Variants in KCNK12 observed in about 807,000 individuals in gnomAD.
The protein encoded by KCNK12 is potassium two pore domain channel subfamily K member 12, also known as potassium channel subfamily K member 12.
In KCNK12, 6 loss-of-function variants were observed where a neutral mutation model predicts 25.3. The ratio of observed to expected loss-of-function variants is 0.24; its 90% CI spans 0.13 to 0.47. The LOEUF is 0.47. KCNK12 is among the 20% of genes least tolerant of loss of function. The pLI is 0.99. For missense variants in KCNK12, 444 were observed against 661.7 expected, an observed-to-expected ratio of 0.67 and a Z score of 3.61; for synonymous variants, 331 against 311.1, an observed-to-expected ratio of 1.06 and a Z score of -0.67.
In KCNK12 at chr2:47,570,403, G is replaced by A. The variant is rs1669868735; in HGVS notation, c.-72C>T. 1 of 1,204,986 alleles carries A rather than the reference G, an allele frequency of 8.3e-7. No individual in the cohort carries two copies. Among genetic ancestry groups the A allele is most frequent in the Non-Finnish European group, 1.0e-6 (1 of 971,658 alleles). 74.6% of individuals were successfully genotyped at this position (1,204,986 alleles called of 1,614,324 possible). A position where few individuals can be genotyped will look rare whatever the true frequency, so the allele number is the denominator to read the frequency against. ...CCACGACATCCCCCCGGCGGGAGCA[G>A]GAGCGTGAGGATGGTGGCCAGGGGT... is the stretch of plus-strand genomic sequence containing the variant. On this transcript the variant is annotated 5_prime_UTR_variant, in exon 1 of 2. Coordinates refer to ENST00000327876, the MANE Select transcript of KCNK12 (RefSeq NM_022055.2).
intron 1 of KCNK12, chr2:47,561,968 G>C (rs1219520533): frequency 7.5e-6 from 3 of 397,908 alleles, no homozygotes; most frequent in East Asian, 3.6e-5. Context: ...CCTTCTTTTA[G>C]TAAGGGAGAA....
chr2:47,561,711 A>G (rs926153624), intron 1 of KCNK12, among the ~76,000 whole-genome samples: 1 of 152,204 alleles, frequency 6.6e-6, no homozygotes, highest in South Asian at 2.1e-4. Flanking sequence ...CCATGGGGTA[A>G]GAACCATCAT....
chr2:47,520,758 T>C lies in KCNK12; in HGVS notation c.*149A>G. 1 of 510,426 alleles carries C rather than the reference T, an allele frequency of 2.0e-6. No homozygotes were observed. The highest frequency in any genetic ancestry group is 3.0e-6 in the Non-Finnish European group (1 of 329,344). 31.6% of individuals were successfully genotyped at this position (510,426 alleles called of 1,614,324 possible). Reference sequence around the variant, plus strand: ...AACCTGCCCTTGATAACATCAGGCCTGGCCAAATAGTATTTCTTTAAAAAA... The same window carrying C: ...AACCTGCCCTTGATAACATCAGGCCCGGCCAAATAGTATTTCTTTAAAAAA... On this transcript the variant is annotated 3_prime_UTR_variant, in exon 2 of 2. Transcript: ENST00000327876. The surrounding 1 kb of genome is among the most constrained non-coding windows in gnomAD (Gnocchi z 5.0).
Position 47,530,341 on chromosome 2 carries a change from A to G in KCNK12, c.392-8533T>C, listed in dbSNP as rs189567217. Among the ~76,000 whole-genome samples the G allele has an allele frequency of 1.3e-3, 194 of 152,288 alleles. 2 individuals are homozygous for G. The highest frequency in any genetic ancestry group is 4.5e-3 in the African/African-American group (186 of 41,548). ...TGGACACTTGAGAGGGCACTGGGCC[A>G]AAGACTTCCCTGGGACATGTGCCCC... is the stretch of plus-strand genomic sequence containing the variant. On this transcript the variant is annotated intron_variant, in intron 1 of 1. Coordinates refer to ENST00000327876, the MANE Select transcript of KCNK12 (RefSeq NM_022055.2).
At position 47,519,936 on chromosome 2, in the gene KCNK12, A is replaced by C. The variant is rs926646192; in HGVS notation, c.*971T>G. 1.1e-4 allele frequency: 17 copies of C among 152,194 alleles called. No individual in the cohort carries two copies. Among genetic ancestry groups the C allele is most frequent in the Non-Finnish European group, 4.4e-5 (3 of 68,040 alleles). The allele number at this position is 152,194 out of a possible 1,614,324, so 9.4% of individuals were successfully genotyped here. On this transcript the variant is annotated 3_prime_UTR_variant, in exon 2 of 2. Coordinates refer to ENST00000327876, the MANE Select transcript of KCNK12 (RefSeq NM_022055.2). ...AGAAGCTGGAGGGCTGCGCCCGGCA[A>C]CCCCATGATCTCTTAAAGGGGGAAA...
intron 1 of KCNK12, among the ~76,000 whole-genome samples, chr2:47,541,714 C>G (rs1669204121): frequency 6.6e-6 from 1 of 152,148 alleles, no homozygotes; most frequent in Non-Finnish European, 1.5e-5. Context: ...TATTAAGATA[C>G]AGACATACAC....
chr2:47,550,164 G>T (rs981197608), intron 1 of KCNK12, among the ~76,000 whole-genome samples: 2 of 152,058 alleles, frequency 1.3e-5, no homozygotes, highest in Non-Finnish European at 2.9e-5. Context: ...AGAGGATAGG[G>T]TAGCAAAAAT....
rs532462723 is a variant in KCNK12, at chr2:47,538,381, C to T, written c.392-16573G>A. 2.0e-5 allele frequency among the ~76,000 whole-genome samples: 3 copies of T among 152,178 alleles called. No individual in the cohort carries two copies. Among genetic ancestry groups the T allele is most frequent in the African/African-American group, 4.8e-5 (2 of 41,516 alleles). ...GGTCCAGGGAGGCCTCGTTAAGGAA[C>T]GGATGTTTGATAAAGGACTAGGGTA... On this transcript the variant is annotated intron_variant, in intron 1 of 1. Coordinates refer to ENST00000327876, the MANE Select transcript of KCNK12 (RefSeq NM_022055.2). This position sits in a 1 kb window ranked among gnomAD's most constrained non-coding sequence, Gnocchi z 4.5.
intron 1 of KCNK12, among the ~76,000 whole-genome samples, chr2:47,541,476 T>C (rs573176749): frequency 3.3e-4 from 51 of 152,250 alleles, no homozygotes; most frequent in African/African-American, 1.2e-3. Flanking sequence ...AGGAATGTTC[T>C]GATGAGTTTC....
At chr2:47,561,238 G>GT (rs1669663140) in intron 1 of KCNK12, among the ~76,000 whole-genome samples, 2 of 152,200 alleles carry the variant, frequency 1.3e-5, no homozygotes, top group Non-Finnish European at 2.9e-5. Flanking sequence ...TGCTCCGGGT[G>GT]TGGGGGGCAG....
chr2:47,547,643 G>A lies in KCNK12; in HGVS notation c.391+22298C>T, dbSNP rs1247771628. ...GATGGAGTCTCATTCTGTCACCCAG[G>A]CTGGAGTGCAGTACCATGATCTTGA... On this transcript the variant is annotated intron_variant, in intron 1 of 1. Transcript: ENST00000327876. This position sits in a 1 kb window ranked among gnomAD's most constrained non-coding sequence, Gnocchi z 5.0. 2.0e-5 allele frequency among the ~76,000 whole-genome samples: 3 copies of A among 151,976 alleles called. No individual in the cohort carries two copies. Among genetic ancestry groups the A allele is most frequent in the African/African-American group, 7.3e-5 (3 of 41,366 alleles).
rs7587143 is a variant in KCNK12, at chr2:47,516,288, G to T, written c.*4619C>A. ...AATGAAATCAGACTCCTGGGAGTAC[G>T]GCCCGGGCCTCGGGATCCTTTAAAG... is the stretch of plus-strand genomic sequence containing the variant. On this transcript the variant is annotated 3_prime_UTR_variant, in exon 2 of 2. Transcript: ENST00000327876. Among the ~76,000 whole-genome samples the T allele has an allele frequency of 4.6e-5, 7 of 151,998 alleles. No individual in the cohort carries two copies. Among genetic ancestry groups the T allele is most frequent in the Non-Finnish European group, 8.8e-5 (6 of 67,996 alleles).
chr2:47,512,283 T>G lies in KCNK12; in HGVS notation c.*8624A>C. The G allele has an allele frequency of 6.2e-7, 1 of 1,611,504 alleles. No individual in the cohort carries two copies. Among genetic ancestry groups the G allele is most frequent in the Non-Finnish European group, 8.5e-7 (1 of 1,179,420 alleles). On this transcript the variant is annotated 3_prime_UTR_variant, in exon 2 of 2. Coordinates refer to ENST00000327876, the MANE Select transcript of KCNK12 (RefSeq NM_022055.2). ...CCCGTGGAACTCCTACATTTTCTCC[T>G]CTCTTCTCCTTCCTTTCAGAACCTC...
Position 47,546,784 on chromosome 2 carries a change from A to C in KCNK12, c.391+23157T>G, listed in dbSNP as rs1309966919. On this transcript the variant is annotated intron_variant, in intron 1 of 1. Coordinates refer to ENST00000327876, the MANE Select transcript of KCNK12 (RefSeq NM_022055.2). ...CATAAAGGTGTAAACTAGCAATAAC[A>C]CAGGGAATGGGCAGAGGGTTTACAG... Among the ~76,000 whole-genome samples the C allele has an allele frequency of 2.0e-5, 3 of 152,340 alleles. No homozygotes were observed. The East Asian group carries it at 5.8e-4, about 29-fold the overall frequency.
At chr2:47,561,126 C>A (rs1669660463) in intron 1 of KCNK12, among the ~76,000 whole-genome samples, 1 of 152,198 alleles carries the variant, frequency 6.6e-6, no homozygotes, top group Non-Finnish European at 1.5e-5. Context: ...TTCCCTGCTA[C>A]TCTTCAACTC....
In KCNK12 at chr2:47,547,514, C is replaced by A. The variant is rs1056537560; in HGVS notation, c.391+22427G>T. 6.6e-6 allele frequency among the ~76,000 whole-genome samples: 1 copy of A among 152,222 alleles called. No individual in the cohort carries two copies. Among genetic ancestry groups the A allele is most frequent in the African/African-American group, 2.4e-5 (1 of 41,454 alleles). ...AGTGCAATGGCACGATCATAGCTCACTGCATCCTTGAATTCCTGGCCTCAA... is the reference window on the plus strand; with the variant it reads ...AGTGCAATGGCACGATCATAGCTCAATGCATCCTTGAATTCCTGGCCTCAA... On this transcript the variant is annotated intron_variant, in intron 1 of 1. Transcript: ENST00000327876. This position sits in a 1 kb window ranked among gnomAD's most constrained non-coding sequence, Gnocchi z 5.0.
chr2:47,527,629 C>G (rs1044489993), intron 1 of KCNK12: 1 of 152,314 alleles, frequency 6.6e-6, no homozygotes, highest in African/African-American at 2.4e-5. Flanking sequence ...TCTTCCATGT[C>G]TGGACTCCTG....
At chr2:47,542,556 C>T (rs928425219) in intron 1 of KCNK12, among the ~76,000 whole-genome samples, 4 of 152,190 alleles carry the variant, frequency 2.6e-5, no homozygotes, top group African/African-American at 9.7e-5. Context: ...GGGGTGGGTT[C>T]CAGCAACCCT....
Position 47,522,719 on chromosome 2 carries a change from G to T in KCNK12, c.392-911C>A, listed in dbSNP as rs1399880622. On this transcript the variant is annotated intron_variant, in intron 1 of 1. Transcript: ENST00000327876. ...CCAACATTTCATGCCTCTGGAATTG[G>T]GCCTAAGGCCAAGTGGGTAGTCCGT... 3.9e-5 allele frequency among the ~76,000 whole-genome samples: 6 copies of T among 152,264 alleles called. No homozygotes were observed. In the East Asian group the frequency reaches 9.6e-4, roughly 24 times the overall value.
Sources: gnomAD v4.1 joint callset for allele counts (sites outside exome capture counted in the v4.1 genomes callset) on GRCh38, gnomAD v4.1.1 for gene constraint, Gnocchi (gnomAD v3.1) non-coding constraint, MANE v1.5 for transcripts, NCBI Gene and HGNC (gene_info 2026-07-23, HGNC 2026-07-21) for gene names.